KCNG3: variants seen among roughly 807,000 people sequenced by gnomAD.
The protein encoded by KCNG3 is voltage-gated potassium channel regulatory subunit KCNG3.
Under a neutral mutation model 29.0 loss-of-function variants are expected in KCNG3, and 15 were observed. That is an observed-to-expected ratio of 0.52 (90% CI 0.35 to 0.80). The LOEUF (loss-of-function observed/expected upper bound fraction) is 0.80, where lower values mean the gene tolerates loss of function less well. KCNG3 is among the 30% of genes least tolerant of loss of function. The probability of loss-of-function intolerance (pLI) is 0.01; values close to 1 mark genes in which losing one functional copy is unlikely to be tolerated. For missense variants in KCNG3, 512 were observed against 605.7 expected (o/e 0.85, Z 1.62); for synonymous variants, 322 against 248.9 (o/e 1.29, Z -2.76).
Position 42,444,605 on chromosome 2 carries a change from G to T in KCNG3, c.666-26C>A. The T allele has an allele frequency of 6.4e-7, 1 of 1,570,424 alleles. No individual in the cohort carries two copies. Among genetic ancestry groups the T allele is most frequent in the South Asian group, 1.2e-5 (1 of 84,022 alleles). ...CTGTCAAGAGAACAAAAGAAGAATTGATCATTTTATTTTTAAGCATTTTAA... is the reference window on the plus strand; with the variant it reads ...CTGTCAAGAGAACAAAAGAAGAATTTATCATTTTATTTTTAAGCATTTTAA... On this transcript the variant is annotated intron_variant, in intron 1 of 1. Transcript: ENST00000306078. This position sits in a 1 kb window ranked among gnomAD's most constrained non-coding sequence, Gnocchi z 5.8.
chr2:42,406,540 A>C, the KCNG3 span, among the ~76,000 whole-genome samples: 8 of 148,604 alleles, frequency 5.4e-5, no homozygotes, highest in Non-Finnish European at 7.4e-5. Flanking sequence ...TTAAGAGGTG[A>C]GGCAGGCTGG....
At chr2:42,411,869 TTC>T in the KCNG3 span, among the ~76,000 whole-genome samples, 1 of 152,352 alleles carries the variant, frequency 6.6e-6, no homozygotes, top group Admixed American at 6.5e-5. Flanking sequence ...TCTCATCTAC[TTC>T]TCTGTTTCCT....
At chr2:42,465,191 T>C (rs1232813437) in intron 1 of KCNG3, among the ~76,000 whole-genome samples, 1 of 152,042 alleles carries the variant, frequency 6.6e-6, no homozygotes, top group Non-Finnish European at 1.5e-5. Context: ...ATTTTATTTT[T>C]TTAAGAGTAT....
chr2:42,470,194 T>C (rs1377005593), intron 1 of KCNG3: 1 of 428,162 alleles, frequency 2.3e-6, no homozygotes, highest in Admixed American at 3.3e-5. Flanking sequence ...TGGCTTGATA[T>C]TATAAGACAA....
chr2:42,461,152 C>T (rs1261601891), intron 1 of KCNG3, among the ~76,000 whole-genome samples: 6 of 127,714 alleles, frequency 4.7e-5, no homozygotes, highest in Non-Finnish European at 9.4e-5. Context: ...CACAGCAAGA[C>T]TCTGTCTCCA....
chr2:42,466,843 C>T (rs1419596663), intron 1 of KCNG3, among the ~76,000 whole-genome samples: 3 of 150,906 alleles, frequency 2.0e-5, no homozygotes, highest in Admixed American at 1.3e-4. Context: ...ACCTCTGCCA[C>T]CCGGGTTCAA....
chr2:42,440,206 T>C (rs1380599083), downstream of KCNG3, among the ~76,000 whole-genome samples: 1 of 152,186 alleles, frequency 6.6e-6, no homozygotes, highest in African/African-American at 2.4e-5. Context: ...CCTATGACCC[T>C]ATAAAATGAT....
chr2:42,432,561 A>G, the KCNG3 span, among the ~76,000 whole-genome samples: 1 of 152,236 alleles, frequency 6.6e-6, no homozygotes, highest in Non-Finnish European at 1.5e-5. Context: ...GGAACCTGAA[A>G]TAACTGAGTT....
chr2:42,477,840 C>T (rs1044301027), intron 1 of KCNG3, among the ~76,000 whole-genome samples: 1 of 151,856 alleles, frequency 6.6e-6, no homozygotes, highest in African/African-American at 2.4e-5. Context: ...GATCGTGCCA[C>T]TGCACTCCAG....
intron 1 of KCNG3, among the ~76,000 whole-genome samples, chr2:42,488,395 G>C (rs971696402): frequency 3.3e-5 from 5 of 151,822 alleles, no homozygotes; most frequent in Non-Finnish European, 7.4e-5. Flanking sequence ...GTTTTGTTTT[G>C]AGACAGGGTC....
chr2:42,483,113 C>T (rs897972832), intron 1 of KCNG3, among the ~76,000 whole-genome samples: 1 of 151,820 alleles, frequency 6.6e-6, no homozygotes, highest in Non-Finnish European at 1.5e-5. Flanking sequence ...AGATCAAGAC[C>T]CTGTCTCAAA....
chr2:42,446,234 T>C (rs911358425), intron 1 of KCNG3, among the ~76,000 whole-genome samples: 10 of 152,074 alleles, frequency 6.6e-5, no homozygotes, highest in Non-Finnish European at 1.2e-4. Context: ...TGGAGTGCAG[T>C]GGCACAATCT....
chr2:42,432,934 TA>T, the KCNG3 span, among the ~76,000 whole-genome samples: 33,011 of 132,474 alleles, frequency 0.25, 3,826 homozygotes, highest in African/African-American at 0.34. Context: ...GCTTTTATGA[TA>T]AAAAAAAAAA....
chr2:42,417,483 G>C, the KCNG3 span, among the ~76,000 whole-genome samples: 2 of 151,842 alleles, frequency 1.3e-5, no homozygotes, highest in Non-Finnish European at 2.9e-5. Context: ...AACACACTTG[G>C]CTAATTTTTG....
the KCNG3 span, among the ~76,000 whole-genome samples, chr2:42,404,359 C>G: frequency 1.3e-5 from 2 of 152,136 alleles, no homozygotes; most frequent in Admixed American, 6.5e-5. Context: ...GTTGACAAGG[C>G]TAGAGAAGTG....
the KCNG3 span, among the ~76,000 whole-genome samples, chr2:42,407,310 G>T: frequency 6.6e-6 from 1 of 151,466 alleles, no homozygotes; most frequent in African/African-American, 2.4e-5. Context: ...TGAGTAACTT[G>T]AACTACAGGC....
the KCNG3 span, among the ~76,000 whole-genome samples, chr2:42,409,699 CAA>C: frequency 2.1e-4 from 11 of 51,992 alleles, no homozygotes; most frequent in Non-Finnish European, 3.2e-4. Context: ...GTGCCTGTCT[CAA>C]AAAAAAAAAA....
chr2:42,398,280 C>A, the KCNG3 span, among the ~76,000 whole-genome samples: 1 of 129,466 alleles, frequency 7.7e-6, no homozygotes, highest in Non-Finnish European at 1.8e-5. Context: ...AAAATAAAAT[C>A]AAGAAGAAAG....
chr2:42,425,255 G>C, the KCNG3 span, among the ~76,000 whole-genome samples: 2 of 151,092 alleles, frequency 1.3e-5, no homozygotes, highest in South Asian at 4.2e-4. Context: ...AAAAAAATTA[G>C]CGGGGCGTGG....
Sources: gnomAD v4.1 joint callset for allele counts (sites outside exome capture counted in the v4.1 genomes callset) on GRCh38, gnomAD v4.1.1 for gene constraint, Gnocchi (gnomAD v3.1) non-coding constraint, MANE v1.5 for transcripts, NCBI Gene and HGNC (gene_info 2026-07-23, HGNC 2026-07-21) for gene names.